The following MOXD1 variants were observed in gnomAD, a reference collection of about 807,000 sequenced individuals.
MOXD1 encodes monooxygenase DBH like 1.
In MOXD1, 62 loss-of-function variants were observed where a neutral mutation model predicts 66.6. The observed-to-expected ratio is 0.93, with a 90% confidence interval of 0.76 to 1.15. The LOEUF (loss-of-function observed/expected upper bound fraction) is 1.15. Ranked by LOEUF, MOXD1 falls within the 50% of genes most tolerant of loss-of-function variation. MOXD1 has a pLI of 0.00. For missense variants in MOXD1, 847 were observed against 754.6 expected (o/e 1.12, Z -1.44); for synonymous variants, 303 against 281.9 (o/e 1.07, Z -0.75).
intron 9 of MOXD1, among the ~76,000 whole-genome samples, chr6:132,316,174 C>CA (rs5880121): frequency 0.52 from 78,199 of 151,756 alleles, 23,800 homozygotes; most frequent in African/African-American, 0.85. Context: ...CTGCATACGA[C>CA]GGGGAGAAAG....
intron 4 of MOXD1, among the ~76,000 whole-genome samples, chr6:132,331,243 G>T (rs548985594): frequency 6.6e-6 from 1 of 152,268 alleles, no homozygotes; most frequent in Admixed American, 6.5e-5. Context: ...AAATATTCAG[G>T]CACATGTGAG....
intron 4 of MOXD1, among the ~76,000 whole-genome samples, chr6:132,353,681 T>G (rs1378665285): frequency 1.3e-5 from 2 of 152,160 alleles, no homozygotes; most frequent in African/African-American, 4.8e-5. Flanking sequence ...AGATCTTCTT[T>G]GTGCTTCTTG....
chr6:132,388,635 A>G (rs1776696394), intron 1 of MOXD1, among the ~76,000 whole-genome samples: 1 of 151,334 alleles, frequency 6.6e-6, no homozygotes, highest in African/African-American at 2.4e-5. Flanking sequence ...ATGGAGAGGA[A>G]AGGGAAGGGA....
intron 10 of MOXD1, among the ~76,000 whole-genome samples, chr6:132,303,874 T>TAC (rs1774626267): frequency 2.2e-5 from 1 of 46,416 alleles, no homozygotes; most frequent in Non-Finnish European, 3.6e-5. Flanking sequence ...TATATATATA[T>TAC]ATATACATAT....
chr6:132,372,951 C>G lies in MOXD1; in HGVS notation c.458G>C (p.Gly153Ala). Reference protein sequence around the residue: ...VIWAYHHEDAGEAGPKYHDSN... With the variant: ...VIWAYHHEDAAEAGPKYHDSN... ...GTCATGGTACTTGGGACCAGCTTCT[C>G]CTGCATCTTCATGGTGGTAGGCCCA... The change falls in exon 3 of 12, where the codon GGA (glycine) becomes GCA (alanine). Residue 153 changes from glycine (G) to alanine (A), a missense_variant. Coordinates refer to ENST00000367963, the MANE Select transcript of MOXD1 (RefSeq NM_015529.4). The G allele has an allele frequency of 6.2e-7, 1 of 1,614,002 alleles. No homozygotes were observed. Among genetic ancestry groups the G allele is most frequent in the Non-Finnish European group, 8.5e-7 (1 of 1,179,890 alleles).
At chr6:132,303,806 C>CGT (rs1562276293) in intron 10 of MOXD1, among the ~76,000 whole-genome samples, 1,113 of 90,424 alleles carry the variant, frequency 0.012, 4 homozygotes, top group South Asian at 0.026. Context: ...TATACACACA[C>CGT]ATGTGTGTGT....
At chr6:132,351,290 C>CTT (rs1775797709) in intron 4 of MOXD1, among the ~76,000 whole-genome samples, 1 of 152,066 alleles carries the variant, frequency 6.6e-6, no homozygotes. Flanking sequence ...TCGTAGATGG[C>CTT]TTTTATTATA....
intron 4 of MOXD1, among the ~76,000 whole-genome samples, chr6:132,367,894 G>A (rs76325643): frequency 0.063 from 9,523 of 151,932 alleles, 360 homozygotes; most frequent in Middle Eastern, 0.11. Flanking sequence ...CCCACCTACC[G>A]TAGTATGAGG....
At chr6:132,392,924 T>C (rs966028886) in intron 1 of MOXD1, among the ~76,000 whole-genome samples, 2 of 152,338 alleles carry the variant, frequency 1.3e-5, no homozygotes, top group Admixed American at 6.5e-5. Flanking sequence ...AAAGGGCCTG[T>C]GGCCTTAAGT....
intron 4 of MOXD1, among the ~76,000 whole-genome samples, chr6:132,332,219 T>G (rs573231960): frequency 1.3e-5 from 2 of 152,240 alleles, no homozygotes; most frequent in African/African-American, 4.8e-5. Context: ...AGATTACAGA[T>G]TGAGGGTGCA....
At chr6:132,395,419 AAAAACCAC>A (rs1776849737) in intron 1 of MOXD1, among the ~76,000 whole-genome samples, 1 of 152,130 alleles carries the variant, frequency 6.6e-6, no homozygotes, top group Non-Finnish European at 1.5e-5. Flanking sequence ...ACCACTACAG[AAAAACCAC>A]AAAACCACAA....
intron 10 of MOXD1, among the ~76,000 whole-genome samples, chr6:132,313,607 A>G (rs1774876764): frequency 6.6e-6 from 1 of 152,124 alleles, no homozygotes; most frequent in African/African-American, 2.4e-5. Context: ...CTCTCCTTAA[A>G]TACATGTCTC....
At chr6:132,335,098 C>A (rs1340040611) in intron 4 of MOXD1, among the ~76,000 whole-genome samples, 3 of 152,052 alleles carry the variant, frequency 2.0e-5, no homozygotes, top group Non-Finnish European at 2.9e-5. Flanking sequence ...AGAATGAGAT[C>A]TTTGACAAAA....
intron 4 of MOXD1, among the ~76,000 whole-genome samples, chr6:132,367,323 T>G (rs951364802): frequency 3.9e-5 from 6 of 152,090 alleles, no homozygotes; most frequent in African/African-American, 1.4e-4. Context: ...TTTATTGAAT[T>G]TACTTACCTT....
At chr6:132,354,785 C>T (rs180914581) in intron 4 of MOXD1, among the ~76,000 whole-genome samples, 93 of 152,150 alleles carry the variant, frequency 6.1e-4, no homozygotes, top group African/African-American at 2.1e-3. Context: ...GGGGGCAGGG[C>T]TAGGTGTGTC....
At chr6:132,339,905 C>G (rs190532522) in intron 4 of MOXD1, among the ~76,000 whole-genome samples, 1 of 149,540 alleles carries the variant, frequency 6.7e-6, no homozygotes, top group Non-Finnish European at 1.5e-5. Context: ...AGTCTCACTC[C>G]GTCACCCAGG....
chr6:132,338,592 C>T (rs72994816), intron 4 of MOXD1, among the ~76,000 whole-genome samples: 2,292 of 152,316 alleles, frequency 0.015, 23 homozygotes, highest in Non-Finnish European at 0.024. Context: ...CACCAGCCAA[C>T]CCCCGACCCA....
intron 1 of MOXD1, among the ~76,000 whole-genome samples, chr6:132,388,994 C>T (rs1179754160): frequency 6.6e-6 from 1 of 151,254 alleles, no homozygotes; most frequent in African/African-American, 2.4e-5. Flanking sequence ...TTTTGAAACA[C>T]ACCTCTACCC....
In MOXD1 at chr6:132,359,777, C is replaced by T. The variant is rs571438013; in HGVS notation, c.663+12831G>A. On this transcript the variant is annotated intron_variant, in intron 4 of 11. Transcript: ENST00000367963. ...CTGGGATTACAGGCGTGAGCCACCG[C>T]GCCCGGCCCAGAGTTTTAACAATAA... Among the ~76,000 whole-genome samples the T allele has an allele frequency of 9.2e-5, 14 of 152,286 alleles. No individual in the cohort carries two copies. The South Asian group carries it at 2.7e-3, about 29-fold the overall frequency.
Sources: gnomAD v4.1 joint callset for allele counts (sites outside exome capture counted in the v4.1 genomes callset) on GRCh38, gnomAD v4.1.1 for gene constraint, MANE v1.5 for transcripts, NCBI Gene and HGNC (gene_info 2026-07-23, HGNC 2026-07-21) for gene names.